The following RBFOX1 variants were observed in gnomAD, a reference collection of about 807,000 sequenced individuals.
The protein encoded by RBFOX1 is RNA binding fox-1 homolog 1.
In RBFOX1, 8 loss-of-function variants were observed where a neutral mutation model predicts 57.7. That is an observed-to-expected ratio of 0.14 (90% CI 0.08 to 0.25). The LOEUF is 0.25. Ranked by LOEUF, RBFOX1 falls within the 10% of genes least tolerant of loss-of-function variation. RBFOX1 has a pLI of 1.00. For synonymous variants in RBFOX1, 326 were observed against 222.4 expected (o/e 1.47, Z -4.15); for missense variants, 611 against 548.5 (o/e 1.11, Z -1.14).
At chr16:7,509,970 T>TG (rs60883822) in intron 4 of RBFOX1, among the ~76,000 whole-genome samples, 15,758 of 150,484 alleles carry the variant, frequency 0.1, 865 homozygotes, top group East Asian at 0.17. Context: ...CAGTGGGTTT[T>TG]TTTTTTTTTT....
intron 3 of RBFOX1, among the ~76,000 whole-genome samples, chr16:6,883,350 TAA>T (rs1352314327): frequency 1.3e-5 from 2 of 152,190 alleles, no homozygotes; most frequent in Non-Finnish European, 2.9e-5. Context: ...GATCTGTTTG[TAA>T]AAGAGTATAA....
chr16:6,604,596 A>G (rs12447099), intron 2 of RBFOX1, among the ~76,000 whole-genome samples: 9,799 of 152,276 alleles, frequency 0.064, 400 homozygotes, highest in African/African-American at 0.1. Flanking sequence ...AATGGTGGCA[A>G]GCTCTTAATT....
chr16:6,800,414 C>A (rs1040359592), intron 3 of RBFOX1, among the ~76,000 whole-genome samples: 2 of 152,086 alleles, frequency 1.3e-5, no homozygotes, highest in African/African-American at 4.8e-5. Context: ...CACTCTTTAA[C>A]AGTGATAGGC....
At chr16:6,783,650 T>A (rs2081413792) in intron 3 of RBFOX1, among the ~76,000 whole-genome samples, 1 of 152,112 alleles carries the variant, frequency 6.6e-6, no homozygotes, top group African/African-American at 2.4e-5. Flanking sequence ...TGTCTTTTAG[T>A]CTTCGTACTA....
intron 3 of RBFOX1, among the ~76,000 whole-genome samples, chr16:6,690,343 T>C (rs1017315869): frequency 2.6e-5 from 4 of 152,138 alleles, no homozygotes; most frequent in Admixed American, 1.3e-4. Context: ...CTATGCAATA[T>C]ACGTTTCTAG....
chr16:5,705,537 G>A (rs531294008), intron 3 of RBFOX1, among the ~76,000 whole-genome samples: 2 of 152,118 alleles, frequency 1.3e-5, no homozygotes, highest in Admixed American at 6.5e-5. Flanking sequence ...CTGTAATCAC[G>A]AGCGAAACAT....
intron 4 of RBFOX1, among the ~76,000 whole-genome samples, chr16:5,923,906 C>G (rs1374183652): frequency 6.6e-6 from 1 of 152,120 alleles, no homozygotes; most frequent in East Asian, 1.9e-4. Flanking sequence ...ACCTTCCTGG[C>G]TTTCCTACTG....
chr16:7,703,486 G>C (rs2081428355), intron 14 of RBFOX1, among the ~76,000 whole-genome samples: 1 of 152,074 alleles, frequency 6.6e-6, no homozygotes, highest in East Asian at 1.9e-4. Flanking sequence ...TGATACTAAT[G>C]GAAGAATAAA....
chr16:7,308,580 T>C (rs969170020), intron 4 of RBFOX1, among the ~76,000 whole-genome samples: 2 of 152,154 alleles, frequency 1.3e-5, no homozygotes, highest in Admixed American at 6.5e-5. Context: ...TGATGATCCA[T>C]GTGGTTTGTT....
At position 6,100,164 on chromosome 16, in the gene RBFOX1, TG is replaced by T. The variant is rs200855715; in HGVS notation, c.-127+80173del. ...TGTTTTTTTTGTTGTTGTTTTTTTT[TG>T]TTGTTGTTGTTTTTTGAGACGGAGT... On this transcript the variant is annotated intron_variant, in intron 1 of 15. Transcript: ENST00000550418. Among the ~76,000 whole-genome samples the T allele has an allele frequency of 2.2e-3, 336 of 151,258 alleles. 2 individuals are homozygous for T. Among genetic ancestry groups the T allele is most frequent in the African/African-American group, 7.2e-3 (294 of 41,092 alleles).
At chr16:5,682,702 TC>T (rs1178800174) in intron 3 of RBFOX1, among the ~76,000 whole-genome samples, 3 of 152,210 alleles carry the variant, frequency 2.0e-5, no homozygotes, top group Admixed American at 6.5e-5. Flanking sequence ...TCCAAGGTTG[TC>T]CGAGTCTAAC....
At chr16:5,598,905 T>C in exon 3 of RBFOX1, 1 of 1,522,906 alleles carries the variant, frequency 6.6e-7, no homozygotes. Flanking sequence ...TTGCCAGGAC[T>C]ACAAGTCTGA....
chr16:5,416,795 GC>G (rs1373275598), intron 1 of RBFOX1, among the ~76,000 whole-genome samples: 1 of 151,790 alleles, frequency 6.6e-6, no homozygotes, highest in African/African-American at 2.4e-5. Flanking sequence ...AAAGCAATTT[GC>G]TTTGGCAAAT....
At chr16:5,935,480 G>A (rs2152255470) in intron 4 of RBFOX1, among the ~76,000 whole-genome samples, 1 of 152,320 alleles carries the variant, frequency 6.6e-6, no homozygotes, top group Non-Finnish European at 1.5e-5. Context: ...GGGCATAGGA[G>A]CTGTTCCTAA....
intron 1 of RBFOX1, among the ~76,000 whole-genome samples, chr16:5,399,262 G>C (rs1203088564): frequency 6.6e-6 from 1 of 152,164 alleles, no homozygotes; most frequent in Admixed American, 6.5e-5. Context: ...TATTAACTCT[G>C]GGGTTTGGAC....
chr16:6,285,252 A>C (rs982911222), intron 1 of RBFOX1, among the ~76,000 whole-genome samples: 3 of 152,190 alleles, frequency 2.0e-5, no homozygotes, highest in Non-Finnish European at 1.5e-5. Flanking sequence ...TAGGAAGTAG[A>C]TTCTGCATAA....
chr16:7,060,443 A>G (rs1344867383), intron 4 of RBFOX1, among the ~76,000 whole-genome samples: 1 of 152,222 alleles, frequency 6.6e-6, no homozygotes, highest in Non-Finnish European at 1.5e-5. Context: ...GTTTTACATT[A>G]AAACAAAAGC....
chr16:7,293,746 C>T (rs2141693419), intron 4 of RBFOX1, among the ~76,000 whole-genome samples: 1 of 152,246 alleles, frequency 6.6e-6, no homozygotes, highest in East Asian at 1.9e-4. Context: ...CCCAGTGTCA[C>T]CTTGTAAGTT....
rs895404022 is a variant in RBFOX1 at position 6,636,743 on chromosome 16, A to G, written c.-63-17860A>G. ...CTGGAAGTCATAAAATAAGCCAATT[A>G]TATATAATATAGTTTATATATATAA... On this transcript the variant is annotated intron_variant, in intron 2 of 15. Transcript: ENST00000550418. Among the ~76,000 whole-genome samples the G allele has an allele frequency of 3.8e-4, 50 of 131,668 alleles. 1 individual carries two copies. Among genetic ancestry groups the G allele is most frequent in the Admixed American group, 1.8e-4 (2 of 11,286 alleles). 86.4% of individuals were successfully genotyped at this position (131,668 alleles called of 152,430 possible). A position where few individuals can be genotyped will look rare whatever the true frequency, so the allele number is the denominator to read the frequency against.
Sources: allele counts gnomAD v4.1 joint callset (sites outside exome capture counted in the v4.1 genomes callset), GRCh38; gene constraint gnomAD v4.1.1; transcripts MANE v1.5; gene names NCBI Gene and HGNC (gene_info 2026-07-23, HGNC 2026-07-21).